Variants in SOD2 observed in about 807,000 individuals in gnomAD.
SOD2 encodes superoxide dismutase 2.
Under a neutral mutation model 27.0 loss-of-function variants are expected in SOD2, and 11 were observed. The ratio of observed to expected loss-of-function variants is 0.41; its 90% CI spans 0.26 to 0.67. The LOEUF is 0.67. Ranked by LOEUF, SOD2 falls within the 30% of genes least tolerant of loss-of-function variation. SOD2 has a pLI of 0.34. For missense variants in SOD2, 250 were observed against 274.5 expected, an observed-to-expected ratio of 0.91 and a Z score of 0.63; for synonymous variants, 105 against 103.0, an observed-to-expected ratio of 1.02 and a Z score of -0.12.
At chr6:159,692,420 C>T in intron 2 of SOD2, 1 of 1,402,270 alleles carries the variant, frequency 7.1e-7, no homozygotes, top group Non-Finnish European at 9.3e-7. Flanking sequence ...GTAAGGCAAG[C>T]TCCTTCGCAG....
intron 1 of SOD2, among the ~76,000 whole-genome samples, chr6:159,734,670 T>C (rs1226204802): frequency 1.3e-5 from 2 of 152,176 alleles, no homozygotes; most frequent in Non-Finnish European, 2.9e-5. Context: ...TAGGAAAAAC[T>C]AAATTAGTAT....
upstream of SOD2, chr6:159,748,966 G>A (rs558742727): frequency 6.6e-6 from 7 of 1,068,672 alleles, no homozygotes; most frequent in South Asian, 2.3e-4. The surrounding 1 kb of genome is among the most constrained non-coding windows in gnomAD (Gnocchi z 5.6). Flanking sequence ...TTTATTTGCT[G>A]AGAACCAACT....
intron 1 of SOD2, among the ~76,000 whole-genome samples, chr6:159,707,799 G>A (rs1016490791): frequency 2.0e-5 from 3 of 152,064 alleles, no homozygotes; most frequent in Non-Finnish European, 4.4e-5. Flanking sequence ...CCAAAGCCTG[G>A]CAGAGACACA....
upstream of SOD2, chr6:159,748,408 A>C (rs765736170): frequency 9.3e-6 from 15 of 1,607,912 alleles, no homozygotes; most frequent in South Asian, 1.5e-4. This position sits in a 1 kb window ranked among gnomAD's most constrained non-coding sequence, Gnocchi z 5.6. Context: ...CTTCCCTGAC[A>C]GTCCCACTAC....
At position 159,679,334 on chromosome 6, in the gene SOD2, C is replaced by T. The variant is rs1779851446; in HGVS notation, c.*3159G>A. On this transcript the variant is annotated 3_prime_UTR_variant, in exon 5 of 5. Coordinates refer to ENST00000538183, the MANE Select transcript of SOD2 (RefSeq NM_000636.4). Reference sequence around the variant, plus strand: ...GAAACAGTAATTTGTAAAACATTTACCTAATAATAGCTTTCCCAAACAGTA... The same window carrying T: ...GAAACAGTAATTTGTAAAACATTTATCTAATAATAGCTTTCCCAAACAGTA... 6.6e-6 allele frequency: 1 copy of T among 152,114 alleles called. No homozygotes were observed. The highest frequency in any genetic ancestry group is 2.4e-5 in the African/African-American group (1 of 41,408). The allele number at this position is 152,114 out of a possible 1,614,324, so 9.4% of individuals were successfully genotyped here. A position where few individuals can be genotyped will look rare whatever the true frequency, so the allele number is the denominator to read the frequency against.
At chr6:159,703,032 C>T (rs879627811) in intron 1 of SOD2, among the ~76,000 whole-genome samples, 4 of 149,100 alleles carry the variant, frequency 2.7e-5, no homozygotes, top group African/African-American at 5.0e-5. Context: ...AAATGGCTTC[C>T]GGCCAGGCAT....
chr6:159,711,615 C>G (rs1292970439), intron 1 of SOD2, among the ~76,000 whole-genome samples: 1 of 130,320 alleles, frequency 7.7e-6, no homozygotes, highest in Non-Finnish European at 1.7e-5. Flanking sequence ...CCATAACCAC[C>G]ACTCAGCTGC....
chr6:159,737,205 C>T (rs956983184), intron 1 of SOD2, among the ~76,000 whole-genome samples: 5 of 152,064 alleles, frequency 3.3e-5, no homozygotes, highest in African/African-American at 4.8e-5. Context: ...CGTGCCACCA[C>T]GCCCAGCTAA....
chr6:159,727,380 G>GAGGCGGGAGGCGGC, upstream of SOD2: 1 of 1,125,762 alleles, frequency 8.9e-7, no homozygotes, highest in Non-Finnish European at 1.1e-6. Context: ...AGGCTGGCGG[G>GAGGCGGGAGGCGGC]AGGCGGGAGG....
In SOD2 at chr6:159,693,192, G is replaced by A. The variant is rs1180822741; in HGVS notation, c.-25C>T. 1.3e-6 allele frequency: 2 copies of A among 1,520,898 alleles called. No homozygotes were observed. The highest frequency in any genetic ancestry group is 8.8e-7 in the Non-Finnish European group (1 of 1,133,308). The allele number at this position is 1,520,898 out of a possible 1,614,324, so 94.2% of individuals were successfully genotyped here. ...TGCTGCTAGTGCTGGTGCTACCGCTGATGCCGCCGATCTGCTGAAGCCGCT... is the reference window on the plus strand; with the variant it reads ...TGCTGCTAGTGCTGGTGCTACCGCTAATGCCGCCGATCTGCTGAAGCCGCT... On this transcript the variant is annotated 5_prime_UTR_variant, in exon 1 of 5. Transcript: ENST00000538183.
At chr6:159,720,917 C>T (rs908230414) in intron 1 of SOD2, among the ~76,000 whole-genome samples, 2 of 117,444 alleles carry the variant, frequency 1.7e-5, no homozygotes, top group Non-Finnish European at 3.2e-5. Context: ...AGTGCAATGG[C>T]GCGATCTCGG....
intron 4 of SOD2, 108 bp downstream of exon 4, chr6:159,684,746 T>C: frequency 1.2e-6 from 1 of 845,218 alleles, no homozygotes; most frequent in Non-Finnish European, 1.8e-6. Flanking sequence ...TGTTAAGATT[T>C]GCAAATTATT....
chr6:159,712,781 A>G (rs1777852478), intron 1 of SOD2: 1 of 506,738 alleles, frequency 2.0e-6, no homozygotes, highest in Admixed American at 2.3e-5. Context: ...ACTCAGCTGC[A>G]TAACTAGACT....
At chr6:159,714,765 C>A (rs530834228) in intron 1 of SOD2, among the ~76,000 whole-genome samples, 2 of 152,276 alleles carry the variant, frequency 1.3e-5, no homozygotes, top group African/African-American at 4.8e-5. Context: ...GCTGCAGATT[C>A]TTCTCTGTTG....
chr6:159,750,170 A>G (rs1014246770), upstream of SOD2, among the ~76,000 whole-genome samples: 1 of 152,178 alleles, frequency 6.6e-6, no homozygotes, highest in African/African-American at 2.4e-5. Context: ...AAATTAGCTT[A>G]TGTGCTTGCA....
exon 1 of SOD2, chr6:159,762,027 C>T (rs993416008): frequency 1.1e-5 from 17 of 1,591,302 alleles, no homozygotes; most frequent in African/African-American, 2.7e-5. Context: ...CTGTGGGCTG[C>T]GAGGAGGAGC....
chr6:159,754,461 G>C (rs1779931301), intron 1 of SOD2, among the ~76,000 whole-genome samples: 1 of 152,080 alleles, frequency 6.6e-6, no homozygotes, highest in South Asian at 2.1e-4. Context: ...TCAAACTTTG[G>C]GGCTGTAATC....
At chr6:159,740,693 T>C (rs1229690080) in intron 1 of SOD2, among the ~76,000 whole-genome samples, 1 of 151,612 alleles carries the variant, frequency 6.6e-6, no homozygotes, top group Non-Finnish European at 1.5e-5. Context: ...GGTTTTTTTT[T>C]TTTCTTTTTT....
chr6:159,708,559 C>T (rs1010868216), intron 1 of SOD2, among the ~76,000 whole-genome samples: 1 of 152,158 alleles, frequency 6.6e-6, no homozygotes, highest in East Asian at 1.9e-4. Flanking sequence ...ATCCAACTTA[C>T]AAGGTATGTG....
Sources: allele counts gnomAD v4.1 joint callset (sites outside exome capture counted in the v4.1 genomes callset), GRCh38; gene constraint gnomAD v4.1.1; non-coding constraint Gnocchi (gnomAD v3.1); transcripts MANE v1.5; gene names NCBI Gene and HGNC (gene_info 2026-07-23, HGNC 2026-07-21).